The following PRDM16 variants were observed in gnomAD, a reference collection of about 807,000 sequenced individuals.
PRDM16 encodes the protein histone-lysine N-methyltransferase PRDM16.
PRDM16 carries 23 observed loss-of-function variants against 110.6 expected under a neutral mutation model. That is an observed-to-expected ratio of 0.21 (90% CI 0.15 to 0.29). PRDM16 has a LOEUF of 0.29. Among genes scored for constraint, PRDM16 ranks in the 10% least tolerant of loss-of-function variants. The pLI, the probability that PRDM16 is intolerant of heterozygous loss-of-function variation, is 1.00. For synonymous variants in PRDM16, 799 were observed against 781.8 expected (o/e 1.02, Z -0.37); for missense variants, 1,615 against 1,794.3 (o/e 0.90, Z 1.81).
rs1642005716 is a variant in PRDM16, at chr1:3,080,808, G to A, written c.37+11512G>A. On this transcript the variant is annotated intron_variant, in intron 1 of 16. Coordinates refer to ENST00000270722, the MANE Select transcript of PRDM16 (RefSeq NM_022114.4). The surrounding 1 kb of genome is among the most constrained non-coding windows in gnomAD (Gnocchi z 5.2). ...GAGCAGCCACAGGCGAATCTGGGAC[G>A]ATGGCAGATTGTTAATATCTCAGAG... Among the ~76,000 whole-genome samples, 1 of 152,130 alleles carries A rather than the reference G, an allele frequency of 6.6e-6. No individual in the cohort carries two copies. Among genetic ancestry groups the A allele is most frequent in the Non-Finnish European group, 1.5e-5 (1 of 68,036 alleles).
intron 3 of PRDM16, among the ~76,000 whole-genome samples, chr1:3,349,497 G>A (rs936351426): frequency 1.3e-5 from 2 of 152,210 alleles, no homozygotes; most frequent in African/African-American, 4.8e-5. Flanking sequence ...GCCACTGGGT[G>A]CCCATGGGGC....
chr1:3,234,193 C>T (rs2100892970), intron 2 of PRDM16, among the ~76,000 whole-genome samples: 1 of 152,298 alleles, frequency 6.6e-6, no homozygotes, highest in South Asian at 2.1e-4. Context: ...TGACTCATCC[C>T]CCTGTTCTGG....
intron 3 of PRDM16, among the ~76,000 whole-genome samples, chr1:3,320,851 T>C (rs2500273): frequency 3.3e-5 from 5 of 152,002 alleles, no homozygotes; most frequent in African/African-American, 1.2e-4. Flanking sequence ...CCAAGTCCTC[T>C]GAGAGGAGCC....
intron 1 of PRDM16, among the ~76,000 whole-genome samples, chr1:3,109,504 C>T (rs1025410131): frequency 2.6e-5 from 4 of 152,194 alleles, no homozygotes; most frequent in Admixed American, 2.6e-4. Flanking sequence ...TCTCAGAAGT[C>T]AACTGCCCTT....
Position 3,397,692 on chromosome 1 carries a change from TGA to T in PRDM16, c.676+1101_676+1102del, listed in dbSNP as rs367713366. Among the ~76,000 whole-genome samples the T allele has an allele frequency of 6.0e-3, 916 of 152,374 alleles. 3 individuals carry two copies. The highest frequency in any genetic ancestry group is 0.01 in the Non-Finnish European group (690 of 68,036). On this transcript the variant is annotated intron_variant, in intron 5 of 16. Transcript: ENST00000270722. ...CTGGTGCTGGAGCCTGGAGGGAGGCTGAGTTTTCCTCCTCGCTTCTTGGACCT... is the reference window on the plus strand; with the variant it reads ...CTGGTGCTGGAGCCTGGAGGGAGGCTGTTTTCCTCCTCGCTTCTTGGACCT...
chr1:3,337,298 A>T (rs974594022), intron 3 of PRDM16, among the ~76,000 whole-genome samples: 3 of 152,150 alleles, frequency 2.0e-5, no homozygotes, highest in Non-Finnish European at 4.4e-5. Context: ...AATTCAGGAG[A>T]CAGGAGAGAA....
intron 3 of PRDM16, among the ~76,000 whole-genome samples, chr1:3,252,765 G>C (rs1431658235): frequency 2.0e-5 from 3 of 152,120 alleles, no homozygotes; most frequent in Admixed American, 6.5e-5. Flanking sequence ...GTGGACCGTG[G>C]GGGTCCCAGC....
At chr1:3,276,509 C>T (rs956194210) in intron 3 of PRDM16, among the ~76,000 whole-genome samples, 1 of 152,216 alleles carries the variant, frequency 6.6e-6, no homozygotes, top group Non-Finnish European at 1.5e-5. Context: ...GACTGGCCAG[C>T]GACCCGGACC....
chr1:3,405,290 G>A (rs1408152873), intron 7 of PRDM16, among the ~76,000 whole-genome samples: 1 of 152,230 alleles, frequency 6.6e-6, no homozygotes, highest in Admixed American at 6.5e-5. Flanking sequence ...GAGGAAAGCA[G>A]CCGGGGAGGC....
At chr1:3,374,602 T>G (rs1385890610) in intron 3 of PRDM16, among the ~76,000 whole-genome samples, 2 of 152,044 alleles carry the variant, frequency 1.3e-5, no homozygotes, top group East Asian at 1.9e-4. Context: ...CTGTGGCCTT[T>G]CTCCTGGGGG....
chr1:3,215,427 T>TCCCGGGGACAGGCAAGGCCCAC (rs1557534859), intron 2 of PRDM16, among the ~76,000 whole-genome samples: 18 of 80,402 alleles, frequency 2.2e-4, no homozygotes, highest in African/African-American at 1.7e-3. Flanking sequence ...CAAGGCCTAT[T>TCCCGGGGACAGGCAAGGCCCAC]GGGGTCCAGG....
chr1:3,149,852 G>A (rs1643744170), intron 1 of PRDM16, among the ~76,000 whole-genome samples: 1 of 152,210 alleles, frequency 6.6e-6, no homozygotes, highest in South Asian at 2.1e-4. Context: ...CAAGCTTAAG[G>A]CCAGGGACAC....
intron 2 of PRDM16, among the ~76,000 whole-genome samples, chr1:3,202,121 C>G (rs946071215): frequency 6.6e-6 from 1 of 152,118 alleles, no homozygotes; most frequent in African/African-American, 2.4e-5. Flanking sequence ...GAGACACCCC[C>G]GAAGGTGTGC....
intron 3 of PRDM16, among the ~76,000 whole-genome samples, chr1:3,289,971 C>A (rs918105889): frequency 1.5e-4 from 22 of 151,682 alleles, no homozygotes; most frequent in Non-Finnish European, 2.9e-5. Context: ...GGCACCGAGA[C>A]CCCACTCCCA....
intron 1 of PRDM16, among the ~76,000 whole-genome samples, chr1:3,163,520 G>C (rs939952189): frequency 2.6e-5 from 4 of 152,204 alleles, no homozygotes; most frequent in African/African-American, 7.2e-5. Context: ...AACCCACGCG[G>C]CGTTAGCTTC....
At chr1:3,227,123 G>T (rs1418946516) in intron 2 of PRDM16, among the ~76,000 whole-genome samples, 2 of 152,254 alleles carry the variant, frequency 1.3e-5, no homozygotes, top group Non-Finnish European at 2.9e-5. Context: ...TCGGGCGTCT[G>T]TTACAAATTA....
Position 3,358,023 on chromosome 1 carries a change from G to T in PRDM16, c.439-27129G>T, listed in dbSNP as rs1333083372. 6.6e-6 allele frequency among the ~76,000 whole-genome samples: 1 copy of T among 152,260 alleles called. No homozygotes were observed. Among genetic ancestry groups the T allele is most frequent in the Admixed American group, 6.5e-5 (1 of 15,288 alleles). On this transcript the variant is annotated intron_variant, in intron 3 of 16. Transcript: ENST00000270722. The surrounding 1 kb of genome is among the most constrained non-coding windows in gnomAD (Gnocchi z 4.0). ...GCCCTTCACTGACATGCTCGCCCAT[G>T]AGCTGAGTCTGCCTTGACCACTGAA...
intron 3 of PRDM16, among the ~76,000 whole-genome samples, chr1:3,252,028 A>G (rs1639944853): frequency 6.6e-6 from 1 of 152,206 alleles, no homozygotes. Context: ...AGCTGGGCTT[A>G]TGCATGCTAG....
At chr1:3,266,611 G>A (rs1247055280) in intron 3 of PRDM16, among the ~76,000 whole-genome samples, 3 of 152,200 alleles carry the variant, frequency 2.0e-5, no homozygotes, top group Admixed American at 6.5e-5. Context: ...CGGGAGGCAC[G>A]GGCCTGCACC....
Sources: gnomAD v4.1 joint callset for allele counts (sites outside exome capture counted in the v4.1 genomes callset) on GRCh38, gnomAD v4.1.1 for gene constraint, Gnocchi (gnomAD v3.1) non-coding constraint, MANE v1.5 for transcripts, NCBI Gene and HGNC (gene_info 2026-07-23, HGNC 2026-07-21) for gene names.